SANBR: variants seen among roughly 807,000 people sequenced by gnomAD.
The protein encoded by SANBR is SANT and BTB domain regulator of CSR, also known as SANT and BTB domain regulator of class switch recombination.
In SANBR, 77 loss-of-function variants were observed where a neutral mutation model predicts 101.8. That is an observed-to-expected ratio of 0.76 (90% CI 0.63 to 0.91). The LOEUF is 0.91. Among genes scored for constraint, SANBR ranks in the 40% least tolerant of loss-of-function variants. The pLI, the probability that SANBR is intolerant of heterozygous loss-of-function variation, is 0.00. For synonymous variants in SANBR, 279 were observed against 274.7 expected, an observed-to-expected ratio of 1.02 and a Z score of -0.15; for missense variants, 875 against 853.0, an observed-to-expected ratio of 1.03 and a Z score of -0.32.
In SANBR at chr2:61,109,250, C is replaced by A; in HGVS notation, c.1698C>A (p.Val566=). The part of the protein sequence containing the change: ...EEEEYTTGSE[V]TEDEVGDEEE... The stretch of plus-strand genomic sequence containing the variant: ...AAGAATATACCACTGGATCTGAGGT[C>A]ACTGAAGATGAAGTTGGAGATGAAG... The change falls in exon 16 of 22, where the codon GTC becomes GTA. Residue 566 remains valine, a synonymous_variant. Coordinates refer to ENST00000402291, the MANE Select transcript of SANBR (RefSeq NM_001129993.3). The A allele has an allele frequency of 6.3e-7, 1 of 1,575,584 alleles. No homozygotes were observed. Among genetic ancestry groups the A allele is most frequent in the Non-Finnish European group, 8.6e-7 (1 of 1,159,132 alleles).
chr2:61,082,664 C>A (rs972750510), intron 7 of SANBR, among the ~76,000 whole-genome samples: 16 of 152,050 alleles, frequency 1.1e-4, no homozygotes, highest in Admixed American at 5.9e-4. Flanking sequence ...ACTAAAAATA[C>A]AAAAATTAGC....
downstream of SANBR, among the ~76,000 whole-genome samples, chr2:61,128,018 A>G (rs920664791): frequency 2.0e-5 from 3 of 152,232 alleles, no homozygotes; most frequent in Non-Finnish European, 2.9e-5. Flanking sequence ...CACGCCTGTA[A>G]TCCCAGCACT....
intron 2 of SANBR, chr2:61,069,582 T>C (rs1302182042): frequency 2.0e-5 from 3 of 152,366 alleles, no homozygotes; most frequent in Non-Finnish European, 4.4e-5. Flanking sequence ...AAGTGTCAGC[T>C]GAATCATAGA....
intron 20 of SANBR, among the ~76,000 whole-genome samples, chr2:61,119,311 G>A (rs917497326): frequency 6.6e-6 from 1 of 152,126 alleles, no homozygotes; most frequent in African/African-American, 2.4e-5. Flanking sequence ...GAAAATATTT[G>A]TGACCTTAGG....
intron 6 of SANBR, among the ~76,000 whole-genome samples, chr2:61,078,644 A>T (rs1316131029): frequency 6.6e-6 from 1 of 151,580 alleles, no homozygotes; most frequent in Non-Finnish European, 1.5e-5. Context: ...CTGGTCTCGA[A>T]CTCCTGACCT....
At chr2:61,119,025 G>A (rs148112486) in intron 20 of SANBR, among the ~76,000 whole-genome samples, 91 of 152,230 alleles carry the variant, frequency 6.0e-4, no homozygotes, top group African/African-American at 2.0e-3. Flanking sequence ...TTAACTGTGC[G>A]TTGTTGACCA....
At position 61,092,462 on chromosome 2, in the gene SANBR, A is replaced by G. The variant is rs1559104020; in HGVS notation, c.1089-2A>G. On this transcript the variant is annotated splice_acceptor_variant, in intron 10 of 21. Transcript: ENST00000402291. LOFTEE classifies it high-confidence loss of function. The stretch of plus-strand genomic sequence containing the variant: ...CTTGTAAAATTGAGGCTCTTTCTCC[A>G]GAGATAAGACATGGGATGTTCATGA... 2 of 1,540,854 alleles carry G rather than the reference A, an allele frequency of 1.3e-6. No homozygotes were observed. Among genetic ancestry groups the G allele is most frequent in the Non-Finnish European group, 8.7e-7 (1 of 1,148,916 alleles).
At chr2:61,114,964 C>T (rs1219849247) in intron 16 of SANBR, among the ~76,000 whole-genome samples, 1 of 152,146 alleles carries the variant, frequency 6.6e-6, no homozygotes, top group African/African-American at 2.4e-5. Context: ...GGCTTACTTG[C>T]TAATATTTTG....
At chr2:61,079,221 AT>A (rs777011607) in intron 6 of SANBR, among the ~76,000 whole-genome samples, 2 of 152,120 alleles carry the variant, frequency 1.3e-5, no homozygotes, top group Non-Finnish European at 2.9e-5. Context: ...AGTTTTTAAG[AT>A]TGTAAAGGGG....
intron 21 of SANBR, chr2:61,134,298 CTAT>C: frequency 6.5e-7 from 1 of 1,541,096 alleles, no homozygotes; most frequent in Non-Finnish European, 8.8e-7. Flanking sequence ...AAAATGTTAG[CTAT>C]TATTAGTAGA....
intron 20 of SANBR, among the ~76,000 whole-genome samples, chr2:61,129,980 AG>A (rs1684636170): frequency 6.6e-6 from 1 of 152,132 alleles, no homozygotes; most frequent in Admixed American, 6.6e-5. Flanking sequence ...AAGAGGAAAC[AG>A]GGAATGGAGC....
Position 61,097,792 on chromosome 2 carries a change from T to C in SANBR, c.1305T>C (p.Thr435=), listed in dbSNP as rs762160485. The change falls in exon 12 of 22, where the codon ACT becomes ACC. Residue 435 remains threonine, a synonymous_variant. Coordinates refer to ENST00000402291, the MANE Select transcript of SANBR (RefSeq NM_001129993.3). ...TAASSLNTVG[T]GIYPCCNQKV... The stretch of plus-strand genomic sequence containing the variant: ...CAAGTTCATTGAATACTGTTGGCAC[T>C]GGAATTTATCCCTGCTGTAACCAAA... 2 of 1,613,474 alleles carry C rather than the reference T, an allele frequency of 1.2e-6. No homozygotes were observed. Among genetic ancestry groups the C allele is most frequent in the Middle Eastern group, 1.7e-4 (1 of 6,054 alleles).
At chr2:61,079,638 TAG>T (rs1343591711) in intron 6 of SANBR, among the ~76,000 whole-genome samples, 1 of 151,994 alleles carries the variant, frequency 6.6e-6, no homozygotes, top group Non-Finnish European at 1.5e-5. Flanking sequence ...TCAAAACATG[TAG>T]AGAGAGAAAA....
chr2:61,068,371 T>A (rs185192931), intron 1 of SANBR, among the ~76,000 whole-genome samples: 2 of 152,344 alleles, frequency 1.3e-5, no homozygotes, highest in Admixed American at 1.3e-4. Context: ...GCTTTACAGT[T>A]ATTAAACTAA....
chr2:61,103,761 A>C, intron 12 of SANBR, 92 bp from the exon 13 acceptor site: 1 of 1,168,574 alleles, frequency 8.6e-7, no homozygotes, highest in South Asian at 1.5e-5. Context: ...TGTATATGAC[A>C]ATATGACTTG....
In SANBR at chr2:61,070,331, C is replaced by T. The variant is rs1416624539; in HGVS notation, c.-9-11C>T. The T allele has an allele frequency of 4.5e-6, 7 of 1,550,674 alleles. No individual in the cohort carries two copies. The highest frequency in any genetic ancestry group is 4.3e-5 in the Admixed American group (2 of 46,382). ...GGTTTAAATAAAGCTTTTTGTCTTC[C>T]CTATCCCTAGTTCCAAAAGATGAGT... On this transcript the variant is annotated splice_polypyrimidine_tract_variant and intron_variant, in intron 2 of 21. Coordinates refer to ENST00000402291, the MANE Select transcript of SANBR (RefSeq NM_001129993.3).
chr2:61,129,416 C>T (rs188243957), intron 20 of SANBR, among the ~76,000 whole-genome samples: 3 of 150,076 alleles, frequency 2.0e-5, no homozygotes, highest in African/African-American at 7.4e-5. Flanking sequence ...TGCACTCCAA[C>T]GTGAGCAACA....
Position 61,081,051 on chromosome 2 carries a change from A to G in SANBR, c.671-401A>G, listed in dbSNP as rs1682097318. Among the ~76,000 whole-genome samples, 6 of 152,206 alleles carry G rather than the reference A, an allele frequency of 3.9e-5. No individual in the cohort carries two copies. The South Asian group carries it at 1.2e-3, about 31-fold the overall frequency. On this transcript the variant is annotated intron_variant, in intron 6 of 21. Transcript: ENST00000402291. ...ATCTTTTAAAATTAAATATTTGTTC[A>G]TAACAAGCATTGAACTCTTTAAATT...
At chr2:61,092,297 T>C (rs1011565379) in intron 10 of SANBR, among the ~76,000 whole-genome samples, 167 bp from the exon 11 acceptor site, 3 of 152,166 alleles carry the variant, frequency 2.0e-5, no homozygotes, top group Non-Finnish European at 4.4e-5. Flanking sequence ...GGCAAGAGAA[T>C]TGCTTGCATC....
Sources: allele counts gnomAD v4.1 joint callset (sites outside exome capture counted in the v4.1 genomes callset), GRCh38; gene constraint gnomAD v4.1.1; transcripts MANE v1.5; gene names NCBI Gene and HGNC (gene_info 2026-07-23, HGNC 2026-07-21).